Variants in TMLHE observed in about 807,000 individuals in gnomAD.
TMLHE encodes the protein trimethyllysine dioxygenase, mitochondrial.
A neutral mutation model predicts 25.7 loss-of-function variants in TMLHE; 18 were observed. The ratio of observed to expected loss-of-function variants is 0.70; its 90% CI spans 0.48 to 1.04. TMLHE has a LOEUF of 1.04. Among genes scored for constraint, TMLHE ranks in the 50% least tolerant of loss-of-function variants. The probability of loss-of-function intolerance (pLI) is 0.00; values close to 1 mark genes in which losing one functional copy is unlikely to be tolerated. For missense variants in TMLHE, 236 were observed against 259.0 expected (o/e 0.91, Z 0.61); for synonymous variants, 105 against 97.0 (o/e 1.08, Z -0.49).
At chrX:155,532,831 G>A (rs1034414772) in intron 2 of TMLHE, among the ~76,000 whole-genome samples, 2 of 110,738 alleles carry the variant, frequency 1.8e-5, no homozygotes, top group Non-Finnish European at 3.8e-5. Context: ...ATGATGCACA[G>A]TTCAACAAAC....
chrX:155,608,482 T>C (rs781956918), intron 1 of TMLHE, among the ~76,000 whole-genome samples: 115 of 112,107 alleles, frequency 1.0e-3, no homozygotes, highest in African/African-American at 3.3e-3. Flanking sequence ...AATACCATTC[T>C]AGACATGGGC....
At chrX:155,548,529 T>TTCACA (rs1216971936) in intron 1 of TMLHE, among the ~76,000 whole-genome samples, 1 of 107,598 alleles carries the variant, frequency 9.3e-6, no homozygotes, top group Non-Finnish European at 1.9e-5. Context: ...AGGTCAGCAG[T>TTCACA]ATGAGGCCAG....
In TMLHE at chrX:155,573,279, T is replaced by G. The variant is rs782261389; in HGVS notation, c.-1-28002A>C. 3.1e-3 allele frequency among the ~76,000 whole-genome samples: 178 copies of G among 57,508 alleles called. 39 individuals carry two copies. The highest frequency in any genetic ancestry group is 7.2e-3 in the African/African-American group (174 of 24,107). The allele number at this position is 57,508 out of a possible 115,157, so 49.9% of individuals were successfully genotyped here. On this transcript the variant is annotated intron_variant, in intron 1 of 7. Coordinates refer to ENST00000334398, the MANE Select transcript of TMLHE (RefSeq NM_018196.4). Reference sequence around the variant, plus strand: ...AGAGAAATGCAAATCAAAACCACAATGAGATACCATCTCACACCAGGTAGA... The same window carrying G: ...AGAGAAATGCAAATCAAAACCACAAGGAGATACCATCTCACACCAGGTAGA...
intron 1 of TMLHE, among the ~76,000 whole-genome samples, chrX:155,587,785 T>A (rs949762541): frequency 1.3e-4 from 14 of 111,988 alleles, no homozygotes; most frequent in Non-Finnish European, 2.6e-4. Flanking sequence ...TACTTGGGAA[T>A]AAATTTAATC....
chrX:155,526,973 G>A (rs1218849307), intron 2 of TMLHE, among the ~76,000 whole-genome samples: 1 of 112,612 alleles, frequency 8.9e-6, no homozygotes, highest in Non-Finnish European at 1.9e-5. Context: ...AAGCTCATAG[G>A]TGGAAGAGAC....
intron 4 of TMLHE, 123 bp downstream of exon 4, chrX:155,513,863 T>C (rs782318472): frequency 1.5e-4 from 108 of 712,895 alleles, no homozygotes; most frequent in Non-Finnish European, 2.1e-4. Flanking sequence ...GAGTCCCTTA[T>C]TCATGCTACA....
At chrX:155,543,722 G>A (rs61694984) in intron 2 of TMLHE, among the ~76,000 whole-genome samples, 1,509 of 112,283 alleles carry the variant, frequency 0.013, 27 homozygotes, top group African/African-American at 0.046. Context: ...TGTAAGTCTG[G>A]TTCTGATCTT....
intron 1 of TMLHE, among the ~76,000 whole-genome samples, chrX:155,581,842 C>A (rs1914793133): frequency 8.9e-6 from 1 of 111,789 alleles, no homozygotes; most frequent in Admixed American, 9.5e-5. Context: ...CCATATGGAA[C>A]CAAAATAGAG....
At chrX:155,546,689 G>C (rs2067347136) in intron 1 of TMLHE, among the ~76,000 whole-genome samples, 2 of 111,203 alleles carry the variant, frequency 1.8e-5, no homozygotes, top group South Asian at 7.6e-4. Flanking sequence ...GATAGAGAAT[G>C]GAAGGCTAAA....
At chrX:155,545,881 C>T (rs1391411889) in intron 1 of TMLHE, among the ~76,000 whole-genome samples, 1 of 111,066 alleles carries the variant, frequency 9.0e-6, no homozygotes, top group Non-Finnish European at 1.9e-5. Flanking sequence ...GATGTTCATA[C>T]AACCATGAAA....
chrX:155,543,233 T>C (rs1461582942), intron 2 of TMLHE, among the ~76,000 whole-genome samples: 1 of 111,012 alleles, frequency 9.0e-6, no homozygotes, highest in Non-Finnish European at 1.9e-5. Context: ...ATAAAAGACA[T>C]GCAAATAGGA....
chrX:155,556,287 G>A (rs923115437), intron 1 of TMLHE, among the ~76,000 whole-genome samples: 7 of 111,883 alleles, frequency 6.3e-5, no homozygotes, highest in Non-Finnish European at 1.3e-4. Flanking sequence ...CTTTAATACT[G>A]TGACCAGAGA....
At chrX:155,605,432 C>T (rs2067781107) in intron 1 of TMLHE, among the ~76,000 whole-genome samples, 1 of 111,394 alleles carries the variant, frequency 9.0e-6, no homozygotes, top group African/African-American at 3.3e-5. Flanking sequence ...GATTGGGGGC[C>T]TAGATTCAGC....
At chrX:155,515,118 C>T (rs1278887650) in intron 3 of TMLHE, among the ~76,000 whole-genome samples, 1 of 111,148 alleles carries the variant, frequency 9.0e-6, no homozygotes, top group African/African-American at 3.3e-5. Context: ...GTTTATCATT[C>T]TATCACCCAG....
At position 155,592,480 on chromosome X, in the gene TMLHE, G is replaced by A. The variant is rs2067699060; in HGVS notation, c.-2+20312C>T. On this transcript the variant is annotated intron_variant, in intron 1 of 7. Coordinates refer to ENST00000334398, the MANE Select transcript of TMLHE (RefSeq NM_018196.4). ...AACCCATTAGAAGGATAAGAGGAAT[G>A]ATCCCACTTTGACTTCAAGGCATCT... Among the ~76,000 whole-genome samples the A allele has an allele frequency of 2.7e-5, 3 of 111,739 alleles. No individual in the cohort carries two copies. The South Asian group carries it at 1.1e-3, about 42-fold the overall frequency.
intron 3 of TMLHE, among the ~76,000 whole-genome samples, chrX:155,523,534 T>C (rs186232463): frequency 1.6e-4 from 18 of 111,889 alleles, no homozygotes; most frequent in Non-Finnish European, 1.5e-4. Flanking sequence ...GATCTATGTA[T>C]CTGTCCCTCC....
At chrX:155,612,366 C>CTT (rs2067828927) in intron 1 of TMLHE, 2 of 111,948 alleles carry the variant, frequency 1.8e-5, no homozygotes, top group East Asian at 2.8e-4. Context: ...TTCCACTCTA[C>CTT]TGCCGAACAA....
At chrX:155,574,389 C>G (rs186700419) in intron 1 of TMLHE, among the ~76,000 whole-genome samples, 1 of 112,132 alleles carries the variant, frequency 8.9e-6, no homozygotes, top group Non-Finnish European at 1.9e-5. Flanking sequence ...ACAGCCTGAA[C>G]TTTGAATTTG....
At chrX:155,524,223 T>C (rs2067205543) in intron 3 of TMLHE, 3 of 279,964 alleles carry the variant, frequency 1.1e-5, no homozygotes, top group Non-Finnish European at 1.9e-5. Flanking sequence ...CCTTGCCATG[T>C]TCCCTGTCTT....
Sources: gnomAD v4.1 joint callset for allele counts (sites outside exome capture counted in the v4.1 genomes callset) on GRCh38, gnomAD v4.1.1 for gene constraint, MANE v1.5 for transcripts, NCBI Gene and HGNC (gene_info 2026-07-23, HGNC 2026-07-21) for gene names.